The following PPP6R3 variants were observed in gnomAD, a reference collection of about 807,000 sequenced individuals.
PPP6R3 encodes the protein serine/threonine-protein phosphatase 6 regulatory subunit 3.
PPP6R3 carries 38 observed loss-of-function variants against 110.7 expected under a neutral mutation model. The ratio of observed to expected loss-of-function variants is 0.34; its 90% CI spans 0.26 to 0.45. The LOEUF is 0.45. Among genes scored for constraint, PPP6R3 ranks in the 20% least tolerant of loss-of-function variants. PPP6R3 has a pLI of 1.00. For synonymous variants in PPP6R3, 369 were observed against 373.5 expected, an observed-to-expected ratio of 0.99 and a Z score of 0.14; for missense variants, 870 against 1,062.4, an observed-to-expected ratio of 0.82 and a Z score of 2.52.
chr11:68,472,944 A>G (rs754991777), intron 1 of PPP6R3, among the ~76,000 whole-genome samples: 11 of 152,256 alleles, frequency 7.2e-5, no homozygotes, highest in Non-Finnish European at 1.5e-4. Flanking sequence ...TAGTTGCTGA[A>G]TAGTGTTCAA....
chr11:68,600,463 G>T lies in PPP6R3; in HGVS notation c.2161G>T (p.Ala721Ser). The change falls in exon 20 of 24, where the codon GCT becomes TCT. Residue 721 changes from alanine to serine, a missense_variant. Coordinates refer to ENST00000393800, the MANE Select transcript of PPP6R3 (RefSeq NM_001164161.2). The part of the protein sequence containing the change: ...EPMPTKETGW[A>S]SFSEFTSSLS... ...GATGCCAACTAAAGAGACGGGCTGG[G>T]CTTCTTTTTCAGAGTTCACGTCTTC... 1 of 1,614,018 alleles carries T rather than the reference G, an allele frequency of 6.2e-7. No individual in the cohort carries two copies. The highest frequency in any genetic ancestry group is 2.2e-5 in the East Asian group (1 of 44,868).
At chr11:68,469,626 A>C (rs1456001564) in intron 1 of PPP6R3, among the ~76,000 whole-genome samples, 4 of 150,136 alleles carry the variant, frequency 2.7e-5, no homozygotes, top group Admixed American at 6.7e-5. Context: ...CAGTCCTCCC[A>C]CCTTGTTTTC....
chr11:68,564,547 T>C (rs2099449549), intron 9 of PPP6R3, 115 bp downstream of exon 9: 3 of 1,182,042 alleles, frequency 2.5e-6, no homozygotes, highest in Non-Finnish European at 3.5e-6. Context: ...ATGTACAAAA[T>C]GAGTGAAAAG....
At chr11:68,603,136 ACCCATGAAAC>A (rs140880896) in intron 21 of PPP6R3, among the ~76,000 whole-genome samples, 196 bp from the exon 22 acceptor site, 36,362 of 151,198 alleles carry the variant, frequency 0.24, 4,601 homozygotes, top group Middle Eastern at 0.32. Flanking sequence ...AGTAAAGAAA[ACCCATGAAAC>A]CCCTCTTTAG....
At chr11:68,494,433 A>AT (rs2099003974) in intron 1 of PPP6R3, among the ~76,000 whole-genome samples, 1 of 142,222 alleles carries the variant, frequency 7.0e-6, no homozygotes, top group South Asian at 2.2e-4. Flanking sequence ...AAAAAAAAAA[A>AT]GCTGGTACCT....
intron 8 of PPP6R3, among the ~76,000 whole-genome samples, chr11:68,559,224 A>G (rs1340389214): frequency 6.6e-6 from 1 of 152,214 alleles, no homozygotes; most frequent in Non-Finnish European, 1.5e-5. Context: ...AATTTCTTCT[A>G]CATGTTTTAT....
chr11:68,477,741 A>AAAAAAAAAAAAAATAT, intron 1 of PPP6R3, among the ~76,000 whole-genome samples: 1 of 57,894 alleles, frequency 1.7e-5, no homozygotes, highest in African/African-American at 7.1e-5. Context: ...AAAAAAAAAA[A>AAAAAAAAAAAAAATAT]ATATATATAT....
At chr11:68,518,602 A>G (rs1299950126) in intron 1 of PPP6R3, among the ~76,000 whole-genome samples, 3 of 152,322 alleles carry the variant, frequency 2.0e-5, no homozygotes, top group Non-Finnish European at 2.9e-5. Context: ...TTTGCAGTGT[A>G]TAGTCAAAAA....
intron 1 of PPP6R3, among the ~76,000 whole-genome samples, chr11:68,475,032 C>G (rs1027906326): frequency 6.6e-6 from 1 of 152,018 alleles, no homozygotes; most frequent in Non-Finnish European, 1.5e-5. Flanking sequence ...GAACAAAGGT[C>G]TCTGGTTTTC....
At chr11:68,550,285 T>C (rs1289429809) in intron 5 of PPP6R3, among the ~76,000 whole-genome samples, 1 of 151,986 alleles carries the variant, frequency 6.6e-6, no homozygotes, top group Non-Finnish European at 1.5e-5. Flanking sequence ...AGCCAGAGAG[T>C]GTCAGGGTTT....
intron 14 of PPP6R3, among the ~76,000 whole-genome samples, chr11:68,580,406 A>G (rs2099548828): frequency 6.6e-6 from 1 of 152,156 alleles, no homozygotes. Context: ...GGCAAGAGCT[A>G]GGAGGAGGGA....
intron 8 of PPP6R3, among the ~76,000 whole-genome samples, chr11:68,563,475 CTTTAA>C (rs2099437623): frequency 6.6e-6 from 1 of 152,086 alleles, no homozygotes; most frequent in African/African-American, 2.4e-5. Flanking sequence ...ATCTCAAGAT[CTTTAA>C]TTAATTTCAT....
At chr11:68,503,785 A>C (rs975535102) in intron 1 of PPP6R3, among the ~76,000 whole-genome samples, 10 of 152,226 alleles carry the variant, frequency 6.6e-5, no homozygotes, top group Non-Finnish European at 1.5e-4. Context: ...TAACCCCTAC[A>C]AATCATTGAG....
chr11:68,614,475 C>T lies in PPP6R3; in HGVS notation c.*1358C>T. 4 of 1,378,356 alleles carry T rather than the reference C, an allele frequency of 2.9e-6. No individual in the cohort carries two copies. The highest frequency in any genetic ancestry group is 3.7e-6 in the Non-Finnish European group (4 of 1,069,302). The allele number at this position is 1,378,356 out of a possible 1,614,324, so 85.4% of individuals were successfully genotyped here. A position where few individuals can be genotyped will look rare whatever the true frequency, so the allele number is the denominator to read the frequency against. ...TTTTTACATCATTTGTTTTTCCTGACCAGTATTTAAAACCAAAAGGATATT... is the reference window on the plus strand; with the variant it reads ...TTTTTACATCATTTGTTTTTCCTGATCAGTATTTAAAACCAAAAGGATATT... On this transcript the variant is annotated 3_prime_UTR_variant, in exon 24 of 24. Transcript: ENST00000393800.
intron 15 of PPP6R3, among the ~76,000 whole-genome samples, chr11:68,584,638 GT>G (rs1168169448): frequency 2.0e-5 from 3 of 152,074 alleles, no homozygotes; most frequent in African/African-American, 7.2e-5. Context: ...ATGATATCTG[GT>G]TCCAGGGTCA....
intron 23 of PPP6R3, among the ~76,000 whole-genome samples, chr11:68,612,258 A>C (rs1359129591): frequency 6.6e-6 from 1 of 152,160 alleles, no homozygotes; most frequent in Non-Finnish European, 1.5e-5. Context: ...AGCAGAGTGG[A>C]TTGTGTGTGC....
intron 1 of PPP6R3, among the ~76,000 whole-genome samples, chr11:68,491,418 C>T (rs2098983543): frequency 6.7e-6 from 1 of 149,854 alleles, no homozygotes; most frequent in Non-Finnish European, 1.5e-5. Flanking sequence ...GGCTGGAGTG[C>T]AGTGGTGCAA....
chr11:68,531,174 T>C (rs1030072498), intron 2 of PPP6R3, among the ~76,000 whole-genome samples: 6 of 152,268 alleles, frequency 3.9e-5, no homozygotes, highest in African/African-American at 1.4e-4. Context: ...AGATGTAGAT[T>C]AAAATGATCC....
intron 7 of PPP6R3, among the ~76,000 whole-genome samples, chr11:68,555,236 A>G (rs777138014): frequency 1.2e-4 from 19 of 152,192 alleles, no homozygotes; most frequent in Non-Finnish European, 1.0e-4. Flanking sequence ...TTCTTGCACT[A>G]TGGCATATAT....
Sources: allele counts gnomAD v4.1 joint callset (sites outside exome capture counted in the v4.1 genomes callset), GRCh38; gene constraint gnomAD v4.1.1; transcripts MANE v1.5; gene names NCBI Gene and HGNC (gene_info 2026-07-23, HGNC 2026-07-21).